Variants in CEMIP observed in about 807,000 individuals in gnomAD.
CEMIP encodes the protein cell migration inducing hyaluronidase 1, also known as cell migration-inducing and hyaluronan-binding protein.
In CEMIP, 105 loss-of-function variants were observed where a neutral mutation model predicts 156.9. That is an observed-to-expected ratio of 0.67 (90% CI 0.57 to 0.79). The LOEUF (loss-of-function observed/expected upper bound fraction) is 0.79, where lower values mean the gene tolerates loss of function less well. Among genes scored for constraint, CEMIP ranks in the 30% least tolerant of loss-of-function variants. The pLI is 0.00. For synonymous variants in CEMIP, 676 were observed against 668.4 expected (o/e 1.01, Z -0.17); for missense variants, 1,457 against 1,769.4 (o/e 0.82, Z 3.17).
chr15:80,925,643 G>A lies in CEMIP; in HGVS notation c.2308G>A (p.Ala770Thr), dbSNP rs754531782. ...CTGCAGATACAGCCCTCACCAGGAC[G>A]CCGACCCGCTGAAGCCCCGGGAGCC... ...ISARYSPHQD[A>T]DPLKPREPAI... Residue 770 changes from alanine to threonine, a missense_variant, in exon 19 of 30, where the codon GCC (alanine) becomes ACC (threonine). By Grantham distance (58) the Ala-to-Thr change is moderately conservative (BLOSUM62 0). This residue lies in a region of CEMIP where 798 missense variants were observed against 980.1 expected (regional missense o/e 0.81). Coordinates refer to ENST00000394685, the MANE Select transcript of CEMIP (RefSeq NM_001293298.2). 9 of 1,613,032 alleles carry A rather than the reference G, an allele frequency of 5.6e-6. No homozygotes were observed. The highest frequency in any genetic ancestry group is 1.3e-5 in the African/African-American group (1 of 74,900).
chr15:80,801,585 T>C (rs773986485), intron 1 of CEMIP, among the ~76,000 whole-genome samples: 1 of 152,140 alleles, frequency 6.6e-6, no homozygotes, highest in Non-Finnish European at 1.5e-5. Flanking sequence ...GGGGAGGAGA[T>C]TTAGACTCTA....
At chr15:80,804,123 G>A (rs1186336648) in intron 1 of CEMIP, among the ~76,000 whole-genome samples, 3 of 152,300 alleles carry the variant, frequency 2.0e-5, no homozygotes, top group East Asian at 3.9e-4. Context: ...GCACCGGAAA[G>A]ACCTGCCCCC....
chr15:80,855,648 A>G (rs1323551210), intron 1 of CEMIP, among the ~76,000 whole-genome samples: 1 of 151,976 alleles, frequency 6.6e-6, no homozygotes, highest in Non-Finnish European at 1.5e-5. Flanking sequence ...TCGGCCTCCC[A>G]AGTAGCTGGG....
At chr15:80,858,901 T>C (rs1160035383) in intron 1 of CEMIP, among the ~76,000 whole-genome samples, 1 of 152,214 alleles carries the variant, frequency 6.6e-6, no homozygotes, top group Non-Finnish European at 1.5e-5. Flanking sequence ...GCTTCAGGCA[T>C]AATTGGGTCT....
intron 3 of CEMIP, among the ~76,000 whole-genome samples, chr15:80,878,233 C>T (rs528644011): frequency 3.9e-5 from 6 of 152,304 alleles, no homozygotes; most frequent in East Asian, 3.9e-4. Context: ...AATGTTGCTA[C>T]GTAACAATTT....
At chr15:80,935,702 T>C (rs1388558890) in intron 23 of CEMIP, among the ~76,000 whole-genome samples, 1 of 152,184 alleles carries the variant, frequency 6.6e-6, no homozygotes, top group Non-Finnish European at 1.5e-5. Flanking sequence ...ATTTGGGATG[T>C]GCCATAAAAC....
intron 14 of CEMIP, among the ~76,000 whole-genome samples, chr15:80,919,681 G>A (rs1017363354): frequency 6.6e-6 from 1 of 152,140 alleles, no homozygotes; most frequent in Admixed American, 6.5e-5. Context: ...TGGGTGTGGG[G>A]GCGTGTGCCT....
intron 10 of CEMIP, among the ~76,000 whole-genome samples, chr15:80,893,138 C>T (rs1030021071): frequency 1.3e-5 from 2 of 151,692 alleles, no homozygotes; most frequent in South Asian, 2.1e-4. Flanking sequence ...GCTGAGGTGG[C>T]GCCATTGTAC....
chr15:80,782,605 A>T (rs1207620999), intron 1 of CEMIP, among the ~76,000 whole-genome samples: 1 of 152,048 alleles, frequency 6.6e-6, no homozygotes, highest in Non-Finnish European at 1.5e-5. Context: ...TTCTCCCCCC[A>T]CAAAAGTGTG....
intron 17 of CEMIP, among the ~76,000 whole-genome samples, chr15:80,922,943 G>T (rs1285954988): frequency 6.6e-6 from 1 of 152,220 alleles, no homozygotes; most frequent in Non-Finnish European, 1.5e-5. Context: ...GCCTAGGCTG[G>T]TTTTCTGGTC....
At chr15:80,915,676 A>C (rs1900245965) in intron 14 of CEMIP, among the ~76,000 whole-genome samples, 1 of 151,862 alleles carries the variant, frequency 6.6e-6, no homozygotes, top group African/African-American at 2.4e-5. Flanking sequence ...CTCCCTCCCC[A>C]ACCTGGTTGT....
chr15:80,854,542 G>T (rs909602981), intron 1 of CEMIP, among the ~76,000 whole-genome samples: 8 of 152,228 alleles, frequency 5.3e-5, no homozygotes, highest in Non-Finnish European at 1.2e-4. Context: ...ATCCACATTT[G>T]TTTTCAGCAA....
At chr15:80,938,291 CACA>C (rs1901213602) in intron 25 of CEMIP, 1 of 355,896 alleles carries the variant, frequency 2.8e-6, no homozygotes, top group African/African-American at 2.1e-5. Context: ...CTCAAATCCT[CACA>C]ACAACCTGCT....
intron 7 of CEMIP, among the ~76,000 whole-genome samples, chr15:80,885,220 C>A (rs111645068): frequency 3.7e-4 from 57 of 152,306 alleles, no homozygotes; most frequent in African/African-American, 1.3e-3. Flanking sequence ...TACGATGCTC[C>A]TCCCTTCAGC....
rs1435223489 is a variant in CEMIP, at chr15:80,950,600, G to A, written c.*1676G>A. ...GCTCTCCTGTCTCTGCAGCTCTACA[G>A]GTGAGGCCCAGCAGAGGGAGTAGGG... is the stretch of plus-strand genomic sequence containing the variant. On this transcript the variant is annotated 3_prime_UTR_variant, in exon 30 of 30. Transcript: ENST00000394685. The A allele has an allele frequency of 6.6e-6, 1 of 152,306 alleles. No individual in the cohort carries two copies. Among genetic ancestry groups the A allele is most frequent in the Non-Finnish European group, 1.5e-5 (1 of 68,132 alleles). The allele number at this position is 152,306 out of a possible 1,614,324, so 9.4% of individuals were successfully genotyped here.
intron 2 of CEMIP, 76 bp downstream of exon 2, chr15:80,873,772 TGCATGTG>T: frequency 1.2e-6 from 1 of 845,376 alleles, no homozygotes; most frequent in Non-Finnish European, 1.9e-6. Context: ...TCTGTGTGTG[TGCATGTG>T]GCTCTGTTTA....
chr15:80,866,125 G>A (rs750831027), intron 1 of CEMIP, among the ~76,000 whole-genome samples: 1 of 152,176 alleles, frequency 6.6e-6, no homozygotes, highest in Non-Finnish European at 1.5e-5. Context: ...ATTTGGACTT[G>A]ATGGCACAGC....
chr15:80,898,173 T>C (rs931699483), intron 12 of CEMIP, among the ~76,000 whole-genome samples: 2 of 152,212 alleles, frequency 1.3e-5, no homozygotes, highest in East Asian at 1.9e-4. Flanking sequence ...AGAGGCAGAA[T>C]AGAATAAAGA....
chr15:80,888,496 A>G (rs1898925845), intron 8 of CEMIP, among the ~76,000 whole-genome samples: 1 of 152,210 alleles, frequency 6.6e-6, no homozygotes, highest in Non-Finnish European at 1.5e-5. Context: ...GGCTGGAACT[A>G]AACTTTCAAA....
Sources: allele counts gnomAD v4.1 joint callset (sites outside exome capture counted in the v4.1 genomes callset), GRCh38; gene constraint gnomAD v4.1.1; regional missense constraint gnomAD v4.1.1; transcripts MANE v1.5; gene names NCBI Gene and HGNC (gene_info 2026-07-23, HGNC 2026-07-21).